Variants in ACOX2 observed in about 807,000 individuals in gnomAD.
ACOX2 encodes peroxisomal acyl-coenzyme A oxidase 2.
Under a neutral mutation model 77.5 loss-of-function variants are expected in ACOX2, and 59 were observed. The observed-to-expected ratio is 0.76, with a 90% CI of 0.62 to 0.95. The LOEUF (loss-of-function observed/expected upper bound fraction) is 0.95. Ranked by LOEUF, ACOX2 falls within the 40% of genes least tolerant of loss-of-function variation. ACOX2 has a pLI of 0.00. For missense variants in ACOX2, 837 were observed against 880.4 expected, an observed-to-expected ratio of 0.95 and a Z score of 0.62; for synonymous variants, 317 against 340.1, an observed-to-expected ratio of 0.93 and a Z score of 0.75.
rs923015448 is a variant in ACOX2, at chr3:58,523,427, G to A, written c.1527-826C>T. Among the ~76,000 whole-genome samples, 4 of 152,148 alleles carry A rather than the reference G, an allele frequency of 2.6e-5. No homozygotes were observed. The highest frequency in any genetic ancestry group is 2.6e-4 in the Admixed American group (4 of 15,270). ...GTCCCTAATGCCTAGAACAGTGCCT[G>A]CCATATTATAGGCAGTTAATAAATA... is the stretch of plus-strand genomic sequence containing the variant. On this transcript the variant is annotated intron_variant, in intron 11 of 14. Coordinates refer to ENST00000302819, the MANE Select transcript of ACOX2 (RefSeq NM_003500.4). The surrounding 1 kb of genome is among the most constrained non-coding windows in gnomAD (Gnocchi z 5.3).
rs371382536 is a variant in ACOX2, at chr3:58,526,407, C to T, written c.1346+59G>A. On this transcript the variant is annotated intron_variant, in intron 10 of 14. Coordinates refer to ENST00000302819, the MANE Select transcript of ACOX2 (RefSeq NM_003500.4). This position sits in a 1 kb window ranked among gnomAD's most constrained non-coding sequence, Gnocchi z 4.3. ...GCCTCAGACGGAACCCTCCACCCAA[C>T]AGAAGCTTGGTGGGTCCCCAAGGGC... is the stretch of plus-strand genomic sequence containing the variant. 1.3e-4 allele frequency: 197 copies of T among 1,526,112 alleles called. No individual in the cohort carries two copies. In the Middle Eastern group the frequency reaches 2.2e-3, roughly 17 times the overall value. The allele number at this position is 1,526,112 out of a possible 1,614,324, so 94.5% of individuals were successfully genotyped here.
chr3:58,536,591 G>A lies in ACOX2; in HGVS notation c.-92+528C>T, dbSNP rs867872090. Among the ~76,000 whole-genome samples, 6 of 152,218 alleles carry A rather than the reference G, an allele frequency of 3.9e-5. No homozygotes were observed. The Middle Eastern group carries it at 0.01, about 259-fold the overall frequency. On this transcript the variant is annotated intron_variant, in intron 1 of 14. Coordinates refer to ENST00000302819, the MANE Select transcript of ACOX2 (RefSeq NM_003500.4). The stretch of plus-strand genomic sequence containing the variant: ...AAGTGCCCCTAGTGCGGCTCCTCTC[G>A]TCCTGCCTTACCTCTTTTCCTTGCT...
chr3:58,526,532 A>C lies in ACOX2; in HGVS notation c.1280T>G (p.Val427Gly), dbSNP rs2063396105. The change falls in exon 10 of 15, where the codon GTC becomes GGC. Residue 427 changes from valine (V) to glycine (G), a missense_variant. Physicochemically the swap from Val to Gly is moderately radical, Grantham distance 109. Transcript: ENST00000302819. This position sits in a 1 kb window ranked among gnomAD's most constrained non-coding sequence, Gnocchi z 4.3. ...GGTACAGGAGGCCGACAATTTGGTG[A>C]CCAGTGATGGCAGGCCACTCAGCTT... is the stretch of plus-strand genomic sequence containing the variant. ...YSKLSGLPSL[V>G]TKLSASCTYE... 6.2e-7 allele frequency: 1 copy of C among 1,614,134 alleles called. No homozygotes were observed. Among genetic ancestry groups the C allele is most frequent in the Non-Finnish European group, 8.5e-7 (1 of 1,180,018 alleles).
Position 58,530,622 on chromosome 3 carries a change from G to A in ACOX2, c.836C>T (p.Thr279Ile). The A allele has an allele frequency of 1.2e-6, 2 of 1,614,134 alleles. No homozygotes were observed. The highest frequency in any genetic ancestry group is 1.7e-4 in the Middle Eastern group (1 of 6,060). Residue 279 changes from threonine (T) to isoleucine (I), a missense_variant, in exon 8 of 15, where the codon ACC (threonine) becomes ATC (isoleucine). Coordinates refer to ENST00000302819, the MANE Select transcript of ACOX2 (RefSeq NM_003500.4). ...CTGTGCTGTACCGAGTTTGACGTAG[G>A]TGCCATCTGGCAAGACCTGTGTGGA... The part of the protein sequence containing the change: ...SRFAQVLPDG[T>I]YVKLGTAQSN...
Position 58,535,953 on chromosome 3 carries a change from C to G in ACOX2, c.-91-756G>C, listed in dbSNP as rs1167424623. ...GCATCCAGGCCACTGTTATCTCTTA[C>G]TTGGCCTCAGTGTTCCTCTTATTTG... On this transcript the variant is annotated intron_variant, in intron 1 of 14. Transcript: ENST00000302819. This position sits in a 1 kb window ranked among gnomAD's most constrained non-coding sequence, Gnocchi z 4.8. 2.0e-5 allele frequency among the ~76,000 whole-genome samples: 3 copies of G among 152,154 alleles called. No homozygotes were observed. The highest frequency in any genetic ancestry group is 7.2e-5 in the African/African-American group (3 of 41,420).
chr3:58,508,366 A>G (rs1277679145), intron 14 of ACOX2, among the ~76,000 whole-genome samples: 4 of 152,152 alleles, frequency 2.6e-5, no homozygotes, highest in African/African-American at 9.7e-5. Flanking sequence ...GCAGTGCAGC[A>G]GCTTTCTTTG....
chr3:58,534,747 G>T lies in ACOX2; in HGVS notation c.160+200C>A. ...CAGAATCCAGGTCTTCTGCTGCCTA[G>T]GACTCTTCTATCCCCTAGGTGGGCT... On this transcript the variant is annotated intron_variant, in intron 2 of 14. Transcript: ENST00000302819. The surrounding 1 kb of genome is among the most constrained non-coding windows in gnomAD (Gnocchi z 4.8). 3 of 1,332,116 alleles carry T rather than the reference G, an allele frequency of 2.3e-6. No homozygotes were observed. The highest frequency in any genetic ancestry group is 3.1e-6 in the Non-Finnish European group (3 of 954,220). 82.5% of individuals were successfully genotyped at this position (1,332,116 alleles called of 1,614,324 possible). A position where few individuals can be genotyped will look rare whatever the true frequency, so the allele number is the denominator to read the frequency against.
At chr3:58,529,581 C>G (rs1336249422) in intron 8 of ACOX2, among the ~76,000 whole-genome samples, 1 of 152,188 alleles carries the variant, frequency 6.6e-6, no homozygotes, top group Non-Finnish European at 1.5e-5. Flanking sequence ...TTATAACCAC[C>G]CTGGGGACAC....
intron 12 of ACOX2, among the ~76,000 whole-genome samples, chr3:58,520,186 G>T (rs1036718414): frequency 6.6e-6 from 1 of 152,328 alleles, no homozygotes; most frequent in South Asian, 2.1e-4. Flanking sequence ...ATCTTTATTA[G>T]AATCCTACAA....
chr3:58,528,667 C>G lies in ACOX2; in HGVS notation c.1155+127G>C. ...CCGTTCACCCAGACGCCCTGGGATG[C>G]TGAAAGCTGGGAGAGGTGGGGGTGG... On this transcript the variant is annotated intron_variant, in intron 9 of 14. Coordinates refer to ENST00000302819, the MANE Select transcript of ACOX2 (RefSeq NM_003500.4). This position sits in a 1 kb window ranked among gnomAD's most constrained non-coding sequence, Gnocchi z 5.6. 3 of 1,264,600 alleles carry G rather than the reference C, an allele frequency of 2.4e-6. No individual in the cohort carries two copies. Among genetic ancestry groups the G allele is most frequent in the Non-Finnish European group, 3.1e-6 (3 of 956,030 alleles). 78.3% of individuals were successfully genotyped at this position (1,264,600 alleles called of 1,614,324 possible).
At chr3:58,520,808 C>T (rs2063353170) in intron 12 of ACOX2, among the ~76,000 whole-genome samples, 1 of 152,172 alleles carries the variant, frequency 6.6e-6, no homozygotes, top group Admixed American at 6.5e-5. Context: ...GGCTGGCTGG[C>T]TGTCACCCTC....
At chr3:58,517,074 A>G (rs902142337) in intron 13 of ACOX2, 132 bp downstream of exon 13, 1 of 836,596 alleles carries the variant, frequency 1.2e-6, no homozygotes, top group Non-Finnish European at 1.9e-6. Flanking sequence ...TGTAATGATA[A>G]TAGGGTGTAG....
intron 8 of ACOX2, among the ~76,000 whole-genome samples, chr3:58,529,476 C>T (rs564430588): frequency 2.6e-5 from 4 of 152,314 alleles, no homozygotes; most frequent in South Asian, 2.1e-4. Context: ...AGGCTATGTC[C>T]GGCATTTAGG....
Position 58,523,662 on chromosome 3 carries a change from T to C in ACOX2, c.1526+764A>G, listed in dbSNP as rs2063374892. 6.6e-6 allele frequency among the ~76,000 whole-genome samples: 1 copy of C among 152,160 alleles called. No homozygotes were observed. Among genetic ancestry groups the C allele is most frequent in the South Asian group, 2.1e-4 (1 of 4,816 alleles). On this transcript the variant is annotated intron_variant, in intron 11 of 14. Transcript: ENST00000302819. This position sits in a 1 kb window ranked among gnomAD's most constrained non-coding sequence, Gnocchi z 5.3. Reference sequence around the variant, plus strand: ...TGGGGTTTCACCATGTTGCCGAAGCTGGTCTCAAACTCCTGAGCTCAAGCA... The same window carrying C: ...TGGGGTTTCACCATGTTGCCGAAGCCGGTCTCAAACTCCTGAGCTCAAGCA...
At position 58,519,692 on chromosome 3, in the gene ACOX2, A is replaced by G. The variant is rs2063345606; in HGVS notation, c.1633-2269T>C. Among the ~76,000 whole-genome samples the G allele has an allele frequency of 6.6e-6, 1 of 152,196 alleles. No individual in the cohort carries two copies. The highest frequency in any genetic ancestry group is 2.1e-4 in the South Asian group (1 of 4,822). On this transcript the variant is annotated intron_variant, in intron 12 of 14. Transcript: ENST00000302819. This position sits in a 1 kb window ranked among gnomAD's most constrained non-coding sequence, Gnocchi z 5.0. ...ACCCGATCCGCTTTCTCACTTGGAA[A>G]GAACTTGTGTTTCCTAGGGGGCCCT... is the stretch of plus-strand genomic sequence containing the variant.
intron 12 of ACOX2, among the ~76,000 whole-genome samples, chr3:58,520,387 A>G (rs1037359784): frequency 1.3e-5 from 2 of 152,254 alleles, no homozygotes; most frequent in African/African-American, 4.8e-5. Context: ...ATTTGTTCCC[A>G]TGGTCCTGGA....
chr3:58,509,608 C>A (rs910705901), intron 13 of ACOX2, among the ~76,000 whole-genome samples: 3 of 120,438 alleles, frequency 2.5e-5, no homozygotes, highest in Non-Finnish European at 3.4e-5. Context: ...CAATTTCAAT[C>A]TGTTTTTTTT....
rs751383874 is a variant in ACOX2 at position 58,524,519 on chromosome 3, G to T, written c.1433C>A (p.Thr478Asn). 7 of 1,614,230 alleles carry T rather than the reference G, an allele frequency of 4.3e-6. No individual in the cohort carries two copies. In the South Asian group the frequency reaches 6.6e-5, roughly 15 times the overall value. ...TGGACACCTGGCCAGGTCAGGTGCG[G>T]TGAGATATGCGACAGATGGAGAGAG... ...RSLSPSVAYL[T>N]APDLARCPAQ... The change falls in exon 11 of 15, where the codon ACC (threonine) becomes AAC (asparagine). Residue 478 changes from threonine to asparagine, a missense_variant. Coordinates refer to ENST00000302819, the MANE Select transcript of ACOX2 (RefSeq NM_003500.4). This position sits in a 1 kb window ranked among gnomAD's most constrained non-coding sequence, Gnocchi z 5.5.
At chr3:58,513,693 G>A (rs2063303018) in intron 13 of ACOX2, among the ~76,000 whole-genome samples, 1 of 150,720 alleles carries the variant, frequency 6.6e-6, no homozygotes, top group Non-Finnish European at 1.5e-5. Flanking sequence ...GAATTGCCTT[G>A]TTCTTGCTTG....
Sources: gnomAD v4.1 joint callset for allele counts (sites outside exome capture counted in the v4.1 genomes callset) on GRCh38, gnomAD v4.1.1 for gene constraint, Gnocchi (gnomAD v3.1) non-coding constraint, MANE v1.5 for transcripts, NCBI Gene and HGNC (gene_info 2026-07-23, HGNC 2026-07-21) for gene names.